PRKAG3: variants seen among roughly 807,000 people sequenced by gnomAD.
PRKAG3 encodes the protein protein kinase AMP-activated non-catalytic subunit gamma 3, also known as 5'-AMP-activated protein kinase subunit gamma-3.
PRKAG3 carries 39 observed loss-of-function variants against 56.5 expected under a neutral mutation model. That is an observed-to-expected ratio of 0.69 (90% CI 0.53 to 0.90). The LOEUF is 0.90. PRKAG3 is among the 40% of genes least tolerant of loss of function. The pLI, the probability that PRKAG3 is intolerant of heterozygous loss-of-function variation, is 0.00. For synonymous variants in PRKAG3, 243 were observed against 250.1 expected (o/e 0.97, Z 0.27); for missense variants, 628 against 627.5 (o/e 1.00, Z -0.01).
At chr2:218,830,845 T>C in exon 3 of PRKAG3, 1 of 1,613,886 alleles carries the variant, frequency 6.2e-7, no homozygotes, top group Non-Finnish European at 8.5e-7. Flanking sequence ...TCTGAGCTGC[T>C]GGTCACAGCT....
intron 5 of PRKAG3, 107 bp from the exon 6 acceptor site, chr2:218,828,169 G>T (rs1943965390): frequency 9.3e-7 from 1 of 1,077,602 alleles, no homozygotes; most frequent in Non-Finnish European, 1.4e-6. Flanking sequence ...CTGAGACACA[G>T]TGGGGACTGT....
intron 11 of PRKAG3, 34 bp from the exon 12 acceptor site, chr2:218,824,402 C>T: frequency 6.2e-7 from 1 of 1,613,992 alleles, no homozygotes; most frequent in Non-Finnish European, 8.5e-7. Context: ...CTCCTAGTCA[C>T]CCCCTTGCCT....
rs1559397905 is a variant in PRKAG3 at position 218,827,744 on chromosome 2, A to T, written c.820+89T>A. 2.4e-5 allele frequency: 37 copies of T among 1,557,976 alleles called. No homozygotes were observed. The highest frequency in any genetic ancestry group is 3.3e-5 in the Non-Finnish European group (37 of 1,130,120). On this transcript the variant is annotated intron_variant, in intron 7 of 12. Transcript: ENST00000529249. This position sits in a 1 kb window ranked among gnomAD's most constrained non-coding sequence, Gnocchi z 5.3. ...GGCTCCTATTGTCCCTCCCCTGTTC[A>T]CTCCAGGACATCCCCACTGCCCATC... is the stretch of plus-strand genomic sequence containing the variant.
intron 3 of PRKAG3, 22 bp downstream of exon 3, chr2:218,830,724 C>G (rs1944008718): frequency 1.1e-5 from 18 of 1,610,182 alleles, no homozygotes; most frequent in Non-Finnish European, 1.5e-5. Context: ...TCCCACCTCC[C>G]CAGAACTGGC....
intron 4 of PRKAG3, among the ~76,000 whole-genome samples, chr2:218,828,926 T>C (rs1943977417): frequency 6.6e-6 from 1 of 152,210 alleles, no homozygotes; most frequent in Non-Finnish European, 1.5e-5. Context: ...ACAGACACAG[T>C]CTAGTTTTTG....
intron 2 of PRKAG3, among the ~76,000 whole-genome samples, chr2:218,831,127 C>T (rs774078356): frequency 1.3e-5 from 2 of 152,020 alleles, no homozygotes; most frequent in African/African-American, 2.4e-5. Flanking sequence ...CTGCAAATCA[C>T]ACAGCAAGTA....
chr2:218,826,266 A>G (rs1943931735), intron 10 of PRKAG3, among the ~76,000 whole-genome samples: 2 of 152,188 alleles, frequency 1.3e-5, no homozygotes, highest in African/African-American at 4.8e-5. Flanking sequence ...TTTTATAATC[A>G]AAAATAAATT....
At chr2:218,826,450 T>G (rs1281750807) in intron 10 of PRKAG3, among the ~76,000 whole-genome samples, 1 of 152,182 alleles carries the variant, frequency 6.6e-6, no homozygotes, top group Admixed American at 6.5e-5. Context: ...TTTTTAAATT[T>G]TATTATTTCG....
chr2:218,830,894 G>A (rs750890249), exon 3 of PRKAG3: 2 of 1,613,698 alleles, frequency 1.2e-6, no homozygotes, highest in Non-Finnish European at 1.7e-6. Flanking sequence ...GCTCTAGGAA[G>A]CTCATCTCTG....
chr2:218,826,794 G>A lies in PRKAG3; in HGVS notation c.1168+134C>T, dbSNP rs76235829. 0.011 allele frequency: 13,244 copies of A among 1,205,300 alleles called. 925 individuals carry two copies. The African/African-American group carries it at 0.17, about 15-fold the overall frequency. The allele number at this position is 1,205,300 out of a possible 1,614,324, so 74.7% of individuals were successfully genotyped here. A position where few individuals can be genotyped will look rare whatever the true frequency, so the allele number is the denominator to read the frequency against. On this transcript the variant is annotated intron_variant, in intron 10 of 12. Transcript: ENST00000529249. Reference sequence around the variant, plus strand: ...ACTTGCCCAAGTCTCAGAGTAGACGGAGACTTCTAATCCCCAGTCCATCCT... The same window carrying A: ...ACTTGCCCAAGTCTCAGAGTAGACGAAGACTTCTAATCCCCAGTCCATCCT...
Position 218,827,691 on chromosome 2 carries a change from G to T in PRKAG3, c.821-62C>A. On this transcript the variant is annotated intron_variant, in intron 7 of 12. Transcript: ENST00000529249. The surrounding 1 kb of genome is among the most constrained non-coding windows in gnomAD (Gnocchi z 5.3). ...TCACCTGCCTCACCTTGCAGTCCCA[G>T]GCAGCTTCCCTTCCGTCAGGCACCC... 1 of 1,590,320 alleles carries T rather than the reference G, an allele frequency of 6.3e-7. No homozygotes were observed. The highest frequency in any genetic ancestry group is 8.6e-7 in the Non-Finnish European group (1 of 1,158,684).
In PRKAG3 at chr2:218,827,807, C is replaced by CT. The variant is rs1943957434; in HGVS notation, c.820+25dup. On this transcript the variant is annotated intron_variant, in intron 7 of 12. Coordinates refer to ENST00000529249, the Ensembl canonical transcript of PRKAG3. The surrounding 1 kb of genome is among the most constrained non-coding windows in gnomAD (Gnocchi z 5.3). ...CCCTGGCCCACCATCACCAACAGCCCTTTCCGGGTTCCTCTCCCCACTCAC... is the reference window on the plus strand; with the variant it reads ...CCCTGGCCCACCATCACCAACAGCCCTTTTCCGGGTTCCTCTCCCCACTCAC... The CT allele has an allele frequency of 2.5e-6, 4 of 1,611,866 alleles. No individual in the cohort carries two copies. Among genetic ancestry groups the CT allele is most frequent in the African/African-American group, 1.3e-5 (1 of 74,818 alleles).
In PRKAG3 at chr2:218,827,176, C is replaced by T; in HGVS notation, c.1002+71G>A. ...CAGCTCTTCCCCACGACTGCTAGGG[C>T]TGAAGACTCCTCAGGCCCTCTGATC... On this transcript the variant is annotated intron_variant, in intron 9 of 12. Transcript: ENST00000529249. This position sits in a 1 kb window ranked among gnomAD's most constrained non-coding sequence, Gnocchi z 5.3. 2 of 1,613,370 alleles carry T rather than the reference C, an allele frequency of 1.2e-6. No homozygotes were observed. Among genetic ancestry groups the T allele is most frequent in the South Asian group, 1.1e-5 (1 of 91,022 alleles).
chr2:218,831,279 G>C (rs577283230), intron 2 of PRKAG3, 57 bp downstream of exon 2: 1 of 1,346,018 alleles, frequency 7.4e-7, no homozygotes. Context: ...CCAGAAAAGT[G>C]GGGGACAAGG....
chr2:218,830,427 A>G (rs746203300), intron 3 of PRKAG3, 46 bp from the exon 4 acceptor site: 44 of 1,575,536 alleles, frequency 2.8e-5, no homozygotes, highest in Non-Finnish European at 3.8e-5. Context: ...CATCTTCCAA[A>G]GCACGTTCTC....
At chr2:218,826,895 C>A (rs752537446) in intron 10 of PRKAG3, 33 bp downstream of exon 10, 1 of 1,613,282 alleles carries the variant, frequency 6.2e-7, no homozygotes, top group South Asian at 1.1e-5. Context: ...AGGCCCCAGC[C>A]CAGCCCGAGC....
chr2:218,827,477 G>C lies in PRKAG3; in HGVS notation c.875+98C>G. 6.2e-7 allele frequency: 1 copy of C among 1,601,234 alleles called. No homozygotes were observed. Among genetic ancestry groups the C allele is most frequent in the Non-Finnish European group, 8.6e-7 (1 of 1,168,738 alleles). On this transcript the variant is annotated intron_variant, in intron 8 of 12. Coordinates refer to ENST00000529249, the Ensembl canonical transcript of PRKAG3. This position sits in a 1 kb window ranked among gnomAD's most constrained non-coding sequence, Gnocchi z 5.3. Reference sequence around the variant, plus strand: ...AGGGCACCAAGGCTCCCTTGTCTGTGTGCCGCCTAGGATGAAGAGGTGAGT... The same window carrying C: ...AGGGCACCAAGGCTCCCTTGTCTGTCTGCCGCCTAGGATGAAGAGGTGAGT...
chr2:218,831,772 T>C, exon 1 of PRKAG3: 1 of 1,610,132 alleles, frequency 6.2e-7, no homozygotes, highest in Non-Finnish European at 8.5e-7. Flanking sequence ...GGGCTCCATG[T>C]GGCCAGCCCC....
chr2:218,830,557 A>G (rs1247202544), intron 3 of PRKAG3, among the ~76,000 whole-genome samples, 176 bp from the exon 4 acceptor site: 1 of 152,134 alleles, frequency 6.6e-6, no homozygotes, highest in East Asian at 1.9e-4. Flanking sequence ...CATCTTTCTG[A>G]GTTGGCCATG....
Sources: allele counts gnomAD v4.1 joint callset (sites outside exome capture counted in the v4.1 genomes callset), GRCh38; gene constraint gnomAD v4.1.1; non-coding constraint Gnocchi (gnomAD v3.1); transcripts MANE v1.5; gene names NCBI Gene and HGNC (gene_info 2026-07-23, HGNC 2026-07-21).